The following PCDHGB4 variants were observed in gnomAD, a reference collection of about 807,000 sequenced individuals.
PCDHGB4 encodes the protein protocadherin gamma-B4.
In PCDHGB4, 38 loss-of-function variants were observed where a neutral mutation model predicts 60.5. That is an observed-to-expected ratio of 0.63 (90% CI 0.48 to 0.82). PCDHGB4 has a LOEUF of 0.82. Among genes scored for constraint, PCDHGB4 ranks in the 40% least tolerant of loss-of-function variants. PCDHGB4 has a pLI of 0.00. For missense variants in PCDHGB4, 1,109 were observed against 1,209.6 expected (o/e 0.92, Z 1.23); for synonymous variants, 456 against 509.7 (o/e 0.89, Z 1.42).
At chr5:141,475,583 G>A (rs1181419200) in intron 1 of PCDHGB4, among the ~76,000 whole-genome samples, 1 of 152,198 alleles carries the variant, frequency 6.6e-6, no homozygotes, top group Non-Finnish European at 1.5e-5. Context: ...CAGATTTGTT[G>A]GTGTTTTTCC....
At chr5:141,470,589 G>A (rs1593264687) in intron 1 of PCDHGB4, among the ~76,000 whole-genome samples, 1 of 152,300 alleles carries the variant, frequency 6.6e-6, no homozygotes, top group East Asian at 1.9e-4. Flanking sequence ...TCATAGGCAG[G>A]CGACCTGTGC....
At chr5:141,436,738 G>T (rs1207400781) in intron 1 of PCDHGB4, among the ~76,000 whole-genome samples, 2 of 152,306 alleles carry the variant, frequency 1.3e-5, no homozygotes, top group South Asian at 2.1e-4. Context: ...AATGATTTTT[G>T]TGTGCTTCTC....
intron 1 of PCDHGB4, chr5:141,428,308 G>A (rs2097132099): frequency 1.5e-6 from 1 of 685,734 alleles, no homozygotes; most frequent in Non-Finnish European, 2.6e-6. Context: ...TTACCTGGTC[G>A]TGGCCTTGGC....
intron 1 of PCDHGB4, chr5:141,400,525 G>C: frequency 2.5e-6 from 4 of 1,613,908 alleles, no homozygotes; most frequent in Non-Finnish European, 2.5e-6. Flanking sequence ...TCCTGAGTTG[G>C]TGAGTTTCAT....
intron 1 of PCDHGB4, chr5:141,402,812 C>T: frequency 8.0e-7 from 1 of 1,243,800 alleles, no homozygotes; most frequent in East Asian, 2.6e-5. Flanking sequence ...GCAGATACCA[C>T]AAACCTGCTC....
chr5:141,483,946 T>C (rs374723616), intron 1 of PCDHGB4, among the ~76,000 whole-genome samples: 127 of 148,696 alleles, frequency 8.5e-4, no homozygotes, highest in Non-Finnish European at 1.5e-3. Flanking sequence ...ACGGTGTGAA[T>C]TGTGTTGTGT....
intron 1 of PCDHGB4, among the ~76,000 whole-genome samples, chr5:141,397,628 A>T (rs2093548217): frequency 6.6e-6 from 1 of 152,242 alleles, no homozygotes; most frequent in Non-Finnish European, 1.5e-5. Flanking sequence ...AGTTCTAGCT[A>T]AGAGTTCAAG....
rs76825883 is a variant in PCDHGB4, at chr5:141,433,317, C to T, written c.2397+43036C>T. The T allele has an allele frequency of 1.4e-3, 1,163 of 830,944 alleles. 6 individuals are homozygous for T. In the African/African-American group the frequency reaches 0.015, roughly 11 times the overall value. 51.5% of individuals were successfully genotyped at this position (830,944 alleles called of 1,614,324 possible). A position where few individuals can be genotyped will look rare whatever the true frequency, so the allele number is the denominator to read the frequency against. On this transcript the variant is annotated intron_variant, in intron 1 of 3. Transcript: ENST00000519479. ...CAAGCAATTATCCCACCTTTGCCTC[C>T]GGTGTAACAGGGACTACAGGTGCAA... is the stretch of plus-strand genomic sequence containing the variant.
intron 1 of PCDHGB4, among the ~76,000 whole-genome samples, chr5:141,455,574 C>T (rs1214642742): frequency 6.6e-6 from 1 of 152,158 alleles, no homozygotes; most frequent in Non-Finnish European, 1.5e-5. Flanking sequence ...CCTCCCACCC[C>T]AGCCTTTTAA....
intron 1 of PCDHGB4, among the ~76,000 whole-genome samples, chr5:141,475,620 G>A (rs2154572702): frequency 6.6e-6 from 1 of 152,238 alleles, no homozygotes; most frequent in Admixed American, 6.5e-5. Flanking sequence ...TTTTCGGTTT[G>A]GTTCGATCCC....
Position 141,409,704 on chromosome 5 carries a change from T to C in PCDHGB4, c.2397+19423T>C. ...GCGAGTGACCTAGAGCCCCTGGCGG[T>C]GTCGTCATACGTGTCAGTGAGCGCG... On this transcript the variant is annotated intron_variant, in intron 1 of 3. Transcript: ENST00000519479. 6.2e-7 allele frequency: 1 copy of C among 1,613,248 alleles called. No homozygotes were observed. Among genetic ancestry groups the C allele is most frequent in the South Asian group, 1.1e-5 (1 of 91,072 alleles).
At position 141,491,390 on chromosome 5, in the gene PCDHGB4, T is replaced by C; in HGVS notation, c.2398-3417T>C. 6.2e-7 allele frequency: 1 copy of C among 1,614,130 alleles called. No homozygotes were observed. Among genetic ancestry groups the C allele is most frequent in the Non-Finnish European group, 8.5e-7 (1 of 1,179,988 alleles). ...TTCACCTTTCTGTCAGCGAAGTGCC[T>C]TCAGGGAAACGCAGACGGGGACGGG... On this transcript the variant is annotated intron_variant, in intron 1 of 3. Coordinates refer to ENST00000519479, the MANE Select transcript of PCDHGB4 (RefSeq NM_003736.4). This position sits in a 1 kb window ranked among gnomAD's most constrained non-coding sequence, Gnocchi z 6.9.
chr5:141,432,133 C>G lies in PCDHGB4; in HGVS notation c.2397+41852C>G. ...CGGTCTTCCCTCAGGCCTCCTATTC[C>G]GCTTATATCCCAGAGAACAATCCCA... On this transcript the variant is annotated intron_variant, in intron 1 of 3. Transcript: ENST00000519479. The surrounding 1 kb of genome is among the most constrained non-coding windows in gnomAD (Gnocchi z 6.0). 1 of 1,614,142 alleles carries G rather than the reference C, an allele frequency of 6.2e-7. No homozygotes were observed. The highest frequency in any genetic ancestry group is 1.1e-5 in the South Asian group (1 of 91,070).
In PCDHGB4 at chr5:141,388,412, T is replaced by A; in HGVS notation, c.528T>A (p.Asp176Glu). 6.2e-7 allele frequency: 1 copy of A among 1,613,870 alleles called. No individual in the cohort carries two copies. Among genetic ancestry groups the A allele is most frequent in the Non-Finnish European group, 8.5e-7 (1 of 1,179,814 alleles). ...TLQNYQLSPS[D>E]HFSLINKEKS... The stretch of plus-strand genomic sequence containing the variant: ...AGAATTACCAACTCAGTCCCAGTGA[T>A]CATTTCTCACTGATAAATAAAGAGA... The change falls in exon 1 of 4, where the codon GAT (aspartate) becomes GAA (glutamate). Residue 176 changes from aspartate (D) to glutamate (E), a missense_variant. Asp to Glu is a conservative substitution (Grantham distance 45, BLOSUM62 2). Around this residue, in one of 2 missense-constraint regions of PCDHGB4, gnomAD observed 1,068 missense variants for 1,089.9 expected, o/e 0.98. Coordinates refer to ENST00000519479, the MANE Select transcript of PCDHGB4 (RefSeq NM_003736.4).
chr5:141,431,709 T>A lies in PCDHGB4; in HGVS notation c.2397+41428T>A. 6.2e-7 allele frequency: 1 copy of A among 1,614,168 alleles called. No individual in the cohort carries two copies. Among genetic ancestry groups the A allele is most frequent in the Non-Finnish European group, 8.5e-7 (1 of 1,180,018 alleles). ...CACGAGGAGTCAGGATTCTACCAGA[T>A]GGAAGTGCAAGCAATGGATAATGCA... On this transcript the variant is annotated intron_variant, in intron 1 of 3. Coordinates refer to ENST00000519479, the MANE Select transcript of PCDHGB4 (RefSeq NM_003736.4). This position sits in a 1 kb window ranked among gnomAD's most constrained non-coding sequence, Gnocchi z 4.8.
At chr5:141,420,473 G>A (rs1016985115) in intron 1 of PCDHGB4, 8 of 707,118 alleles carry the variant, frequency 1.1e-5, no homozygotes, top group Non-Finnish European at 1.6e-5. Flanking sequence ...ACATTTTAAA[G>A]CAAACTACAT....
chr5:141,456,087 C>T (rs1218579202), intron 1 of PCDHGB4, among the ~76,000 whole-genome samples: 1 of 151,886 alleles, frequency 6.6e-6, no homozygotes, highest in Non-Finnish European at 1.5e-5. Context: ...TCAGTAGAGA[C>T]GGGATTTCAC....
chr5:141,477,431 G>T lies in PCDHGB4; in HGVS notation c.2398-17376G>T. 3 of 1,614,080 alleles carry T rather than the reference G, an allele frequency of 1.9e-6. No homozygotes were observed. The highest frequency in any genetic ancestry group is 2.5e-6 in the Non-Finnish European group (3 of 1,180,012). On this transcript the variant is annotated intron_variant, in intron 1 of 3. Transcript: ENST00000519479. This position sits in a 1 kb window ranked among gnomAD's most constrained non-coding sequence, Gnocchi z 4.9. ...AGACGCCGGAACCCCTTCCCTCTCA[G>T]CCCTTACAATAGTGCGTGTTCAAGT...
At chr5:141,433,099 C>T (rs1003269683) in intron 1 of PCDHGB4, 1 of 1,614,190 alleles carries the variant, frequency 6.2e-7, no homozygotes, top group Non-Finnish European at 8.5e-7. Context: ...ACATGCTCGT[C>T]AGCCAGGAGA....
Sources: allele counts gnomAD v4.1 joint callset (sites outside exome capture counted in the v4.1 genomes callset), GRCh38; gene constraint gnomAD v4.1.1; regional missense constraint gnomAD v4.1.1; non-coding constraint Gnocchi (gnomAD v3.1); transcripts MANE v1.5; gene names NCBI Gene and HGNC (gene_info 2026-07-23, HGNC 2026-07-21).